Variants in CNTRL observed in about 807,000 individuals in gnomAD.
CNTRL encodes the protein centriolin.
Under a neutral mutation model 303.7 loss-of-function variants are expected in CNTRL, and 233 were observed. The ratio of observed to expected loss-of-function variants is 0.77; its 90% CI spans 0.69 to 0.86. The LOEUF (loss-of-function observed/expected upper bound fraction) is 0.86. Ranked by LOEUF, CNTRL falls within the 40% of genes least tolerant of loss-of-function variation. The probability of loss-of-function intolerance (pLI) is 0.00; values close to 1 mark genes in which losing one functional copy is unlikely to be tolerated. For synonymous variants in CNTRL, 900 were observed against 922.2 expected, an observed-to-expected ratio of 0.98 and a Z score of 0.44; for missense variants, 2,524 against 2,650.6, an observed-to-expected ratio of 0.95 and a Z score of 1.05.
chr9:121,114,932 C>T (rs1187805800), intron 10 of CNTRL, among the ~76,000 whole-genome samples, 159 bp from the exon 11 acceptor site: 4 of 152,004 alleles, frequency 2.6e-5, no homozygotes, highest in East Asian at 3.9e-4. Context: ...TAGACAAAAG[C>T]GATCATAAGT....
intron 26 of CNTRL, among the ~76,000 whole-genome samples, chr9:121,153,849 C>G (rs1311007611): frequency 1.3e-5 from 2 of 152,182 alleles, no homozygotes; most frequent in East Asian, 3.8e-4. Flanking sequence ...AGACATCTGA[C>G]TAATAGTCCT....
chr9:121,098,137 T>C (rs1373679353), intron 6 of CNTRL, among the ~76,000 whole-genome samples: 6 of 152,122 alleles, frequency 3.9e-5, no homozygotes, highest in Non-Finnish European at 8.8e-5. Flanking sequence ...ATCTGTAAAA[T>C]TAAGATGATA....
intron 12 of CNTRL, among the ~76,000 whole-genome samples, chr9:121,120,741 T>C (rs1042031367): frequency 4.6e-5 from 7 of 152,204 alleles, no homozygotes; most frequent in Admixed American, 1.3e-4. Flanking sequence ...TGGATTTCTG[T>C]AGAGAATTAT....
chr9:121,173,208 T>C, intron 40 of CNTRL, 35 bp from the exon 41 acceptor site: 1 of 1,570,212 alleles, frequency 6.4e-7, no homozygotes. Context: ...TCTGAAATTT[T>C]ATACAATGAT....
At chr9:121,142,326 A>G (rs1367166786) in intron 19 of CNTRL, 56 bp downstream of exon 19, 1 of 1,469,628 alleles carries the variant, frequency 6.8e-7, no homozygotes, top group African/African-American at 1.4e-5. Context: ...TGTCCTGCCC[A>G]CTGGCAACTA....
At chr9:121,103,700 A>G (rs1434021917) in intron 7 of CNTRL, among the ~76,000 whole-genome samples, 1 of 152,206 alleles carries the variant, frequency 6.6e-6, no homozygotes, top group Non-Finnish European at 1.5e-5. Flanking sequence ...AATTTACAAG[A>G]AAAAAAGCAG....
Position 121,142,071 on chromosome 9 carries a change from GA to G in CNTRL, c.2692-17del, listed in dbSNP as rs1376053909. ...CATATTTTGCCTAAAAATCATTCTT[GA>G]AATTGTATTTCTTCACAGATGAATT... On this transcript the variant is annotated intron_variant, in intron 18 of 43. Coordinates refer to ENST00000373855, the MANE Select transcript of CNTRL (RefSeq NM_007018.6). The G allele has an allele frequency of 6.5e-7, 1 of 1,542,394 alleles. No individual in the cohort carries two copies. The highest frequency in any genetic ancestry group is 2.2e-5 in the Admixed American group (1 of 46,146).
chr9:121,141,678 A>G, intron 18 of CNTRL, 90 bp downstream of exon 18: 1 of 1,170,342 alleles, frequency 8.5e-7, no homozygotes, highest in Non-Finnish European at 1.2e-6. Flanking sequence ...TGTCATGTAA[A>G]TACAACATAA....
intron 12 of CNTRL, 49 bp downstream of exon 12, chr9:121,118,589 C>G: frequency 7.1e-7 from 1 of 1,403,250 alleles, no homozygotes; most frequent in Non-Finnish European, 9.6e-7. Context: ...TATTACATGT[C>G]TCATCATTGT....
At chr9:121,104,694 A>AT (rs10693661) in intron 7 of CNTRL, among the ~76,000 whole-genome samples, 8,122 of 96,352 alleles carry the variant, frequency 0.084, 765 homozygotes, top group African/African-American at 0.19. Flanking sequence ...GCCACTGGCA[A>AT]TTTTTTTTTT....
At chr9:121,088,004 T>C (rs540766006) in intron 2 of CNTRL, among the ~76,000 whole-genome samples, 2 of 152,252 alleles carry the variant, frequency 1.3e-5, no homozygotes, top group Admixed American at 6.5e-5. Flanking sequence ...AGGACCCCGT[T>C]ATGTGGGTAA....
chr9:121,162,068 A>C lies in CNTRL; in HGVS notation c.5220A>C (p.Leu1740Phe). Residue 1740 changes from leucine to phenylalanine, a missense_variant, in exon 34 of 44, where the codon TTA (leucine) becomes TTC (phenylalanine). Coordinates refer to ENST00000373855, the MANE Select transcript of CNTRL (RefSeq NM_007018.6). The stretch of plus-strand genomic sequence containing the variant: ...ATCTGATTTAGGAGAAACTGGAGTT[A>C]GAGAATTTGCAGCAGATATCCCAGC... The part of the protein sequence containing the change: ...QVAVLEEKLE[L>F]ENLQQISQQQ... The C allele has an allele frequency of 1.9e-6, 3 of 1,614,208 alleles. No individual in the cohort carries two copies.
intron 40 of CNTRL, 32 bp downstream of exon 40, chr9:121,171,580 TG>T: frequency 1.2e-6 from 2 of 1,605,534 alleles, no homozygotes; most frequent in Non-Finnish European, 1.7e-6. Context: ...CTGGCCAGCC[TG>T]GGGAGAGAGG....
chr9:121,117,872 G>A (rs533232805), intron 11 of CNTRL, among the ~76,000 whole-genome samples: 25 of 151,982 alleles, frequency 1.6e-4, no homozygotes, highest in South Asian at 1.2e-3. Flanking sequence ...CCAGCTACTC[G>A]GGAGGCTGAG....
intron 1 of CNTRL, among the ~76,000 whole-genome samples, chr9:121,078,831 T>C (rs946471666): frequency 2.0e-5 from 3 of 152,232 alleles, no homozygotes; most frequent in Non-Finnish European, 4.4e-5. Context: ...AAAAGATGCA[T>C]AGCGTAAGGC....
At chr9:121,123,493 GGAGGCT>G (rs1221184482) in intron 12 of CNTRL, among the ~76,000 whole-genome samples, 25 of 152,166 alleles carry the variant, frequency 1.6e-4, no homozygotes, top group African/African-American at 6.0e-4. Context: ...CAGGTACTTG[GGAGGCT>G]GAGGCAGGAG....
chr9:121,112,859 A>G (rs1169542909), intron 9 of CNTRL, among the ~76,000 whole-genome samples: 1 of 152,206 alleles, frequency 6.6e-6, no homozygotes, highest in Non-Finnish European at 1.5e-5. Context: ...TCCCAGGTGT[A>G]TGGGTTGATC....
chr9:121,095,299 C>T (rs548663965), intron 5 of CNTRL, among the ~76,000 whole-genome samples: 1 of 151,970 alleles, frequency 6.6e-6, no homozygotes, highest in African/African-American at 2.4e-5. Flanking sequence ...GAAGTTTTCC[C>T]AGATATTGTC....
At chr9:121,175,488 C>CA (rs2053484388) in intron 43 of CNTRL, among the ~76,000 whole-genome samples, 2 of 152,130 alleles carry the variant, frequency 1.3e-5, no homozygotes, top group Non-Finnish European at 2.9e-5. Context: ...GGGCTGGTCT[C>CA]AAACTCCTGG....
Sources: gnomAD v4.1 joint callset for allele counts (sites outside exome capture counted in the v4.1 genomes callset) on GRCh38, gnomAD v4.1.1 for gene constraint, MANE v1.5 for transcripts, NCBI Gene and HGNC (gene_info 2026-07-23, HGNC 2026-07-21) for gene names.